The following TENM2 variants were observed in gnomAD, a reference collection of about 807,000 sequenced individuals.
TENM2 encodes teneurin-2.
Under a neutral mutation model 245.2 loss-of-function variants are expected in TENM2, and 52 were observed. The observed-to-expected ratio is 0.21, with a 90% CI of 0.17 to 0.27. TENM2 has a LOEUF of 0.27. TENM2 is among the 10% of genes least tolerant of loss of function. TENM2 has a pLI of 1.00. For synonymous variants in TENM2, 1,363 were observed against 1,438.9 expected, an observed-to-expected ratio of 0.95 and a Z score of 1.19; for missense variants, 3,046 against 3,666.8, an observed-to-expected ratio of 0.83 and a Z score of 4.37.
At chr5:167,698,856 G>T (rs188070985) in intron 2 of TENM2, among the ~76,000 whole-genome samples, 1 of 151,778 alleles carries the variant, frequency 6.6e-6, no homozygotes, top group Non-Finnish European at 1.5e-5. Context: ...GCTAATTTTT[G>T]TATTTTTAGT....
the TENM2 span, among the ~76,000 whole-genome samples, chr5:167,143,998 C>T: frequency 6.6e-6 from 1 of 152,016 alleles, no homozygotes; most frequent in African/African-American, 2.4e-5. Context: ...ATGGCATGAC[C>T]GCCCTTCTGT....
intron 27 of TENM2, among the ~76,000 whole-genome samples, chr5:168,257,968 G>A (rs1767829341): frequency 6.6e-6 from 1 of 152,164 alleles, no homozygotes; most frequent in South Asian, 2.1e-4. Context: ...AATGTGGGGT[G>A]CAGAGCGGAA....
chr5:167,453,354 C>A (rs747072118), intron 2 of TENM2, among the ~76,000 whole-genome samples: 12 of 152,088 alleles, frequency 7.9e-5, no homozygotes, highest in Non-Finnish European at 1.6e-4. Flanking sequence ...TCTGTCATCT[C>A]CTCTAATTGA....
At chr5:167,999,289 G>A (rs1430190837) in intron 5 of TENM2, among the ~76,000 whole-genome samples, 1 of 152,162 alleles carries the variant, frequency 6.6e-6, no homozygotes, top group East Asian at 1.9e-4. Flanking sequence ...CCAACTCCCT[G>A]GGCCCAGATG....
At chr5:167,525,065 G>T (rs1208102574) in intron 2 of TENM2, among the ~76,000 whole-genome samples, 1 of 152,014 alleles carries the variant, frequency 6.6e-6, no homozygotes, top group Non-Finnish European at 1.5e-5. Flanking sequence ...AGCTTGATGA[G>T]CAGTTTCTGT....
the TENM2 span, among the ~76,000 whole-genome samples, chr5:167,039,793 T>C: frequency 4.1e-4 from 63 of 152,296 alleles, 1 homozygote; most frequent in African/African-American, 1.5e-3. Context: ...GGATTTTTTG[T>C]ACCTTGAGTA....
At chr5:168,256,841 A>G (rs1238084965) in intron 27 of TENM2, among the ~76,000 whole-genome samples, 1 of 152,108 alleles carries the variant, frequency 6.6e-6, no homozygotes, top group Non-Finnish European at 1.5e-5. Context: ...TTCTCCTTAG[A>G]GGGTTCTTAT....
intron 21 of TENM2, 74 bp from the exon 24 acceptor site, chr5:168,216,694 A>G (rs1763226962): frequency 6.8e-7 from 1 of 1,464,660 alleles, no homozygotes; most frequent in Admixed American, 1.7e-5. Context: ...TCAGCAAGGC[A>G]TCTCATCTCC....
At chr5:168,030,689 A>G (rs1787066061) in intron 5 of TENM2, among the ~76,000 whole-genome samples, 1 of 152,222 alleles carries the variant, frequency 6.6e-6, no homozygotes, top group African/African-American at 2.4e-5. Context: ...GTTGAAGGTT[A>G]GGAAATGCTT....
At chr5:167,013,496 A>C in the TENM2 span, among the ~76,000 whole-genome samples, 1 of 152,152 alleles carries the variant, frequency 6.6e-6, no homozygotes, top group Non-Finnish European at 1.5e-5. Flanking sequence ...TGACCACATT[A>C]ATAAATTCAA....
chr5:167,235,575 C>G, the TENM2 span, among the ~76,000 whole-genome samples: 1 of 152,102 alleles, frequency 6.6e-6, no homozygotes, highest in Admixed American at 6.6e-5. Flanking sequence ...GTGATTTTAT[C>G]AGGTATTGAT....
intron 4 of TENM2, among the ~76,000 whole-genome samples, chr5:167,968,851 G>C (rs992632505): frequency 1.3e-5 from 2 of 152,096 alleles, no homozygotes; most frequent in Non-Finnish European, 2.9e-5. Context: ...CACCAATTCA[G>C]GAAAATGAAG....
chr5:168,132,368 G>A (rs1334959332), intron 12 of TENM2, among the ~76,000 whole-genome samples: 3 of 152,168 alleles, frequency 2.0e-5, no homozygotes, highest in African/African-American at 4.8e-5. Flanking sequence ...TCATTCTGTA[G>A]TTTAGATGGA....
At position 167,827,632 on chromosome 5, in the gene TENM2, G is replaced by A. The variant is rs190169235; in HGVS notation, c.503-48354G>A. 9.6e-4 allele frequency among the ~76,000 whole-genome samples: 118 copies of A among 123,122 alleles called. 3 individuals carry two copies. In the East Asian group the frequency reaches 0.033, roughly 34 times the overall value. 80.8% of individuals were successfully genotyped at this position (123,122 alleles called of 152,430 possible). A position where few individuals can be genotyped will look rare whatever the true frequency, so the allele number is the denominator to read the frequency against. On this transcript the variant is annotated intron_variant, in intron 2 of 28. Coordinates refer to ENST00000518659, the Ensembl canonical transcript of TENM2. ...TATGGCAAGGAGCTAGGTGGGCGGG[G>A]GGGGGGGAACAGTTTAATGAGCGTG...
At chr5:168,204,769 G>A in intron 19 of TENM2, 148 bp downstream of exon 21, 2 of 1,057,944 alleles carry the variant, frequency 1.9e-6, no homozygotes, top group Non-Finnish European at 2.7e-6. Flanking sequence ...AAATAAGGAG[G>A]TGGGAAAAAT....
chr5:167,165,416 CAG>C, the TENM2 span: 1 of 152,126 alleles, frequency 6.6e-6, no homozygotes, highest in Admixed American at 6.5e-5. Context: ...TTACTTGGCT[CAG>C]TGTGGAAATA....
intron 6 of TENM2, among the ~76,000 whole-genome samples, chr5:168,054,397 CA>C (rs1431718022): frequency 6.6e-6 from 1 of 152,236 alleles, no homozygotes; most frequent in Non-Finnish European, 1.5e-5. Flanking sequence ...ACAGAACCCT[CA>C]GATGGTTGTC....
intron 5 of TENM2, among the ~76,000 whole-genome samples, chr5:168,029,525 A>G (rs753779607): frequency 3.3e-5 from 5 of 152,180 alleles, no homozygotes; most frequent in Non-Finnish European, 7.3e-5. Context: ...TCCAGCCACA[A>G]TATATCCTTG....
chr5:167,310,669 T>C (rs1755979141), intron 1 of TENM2, among the ~76,000 whole-genome samples: 1 of 152,174 alleles, frequency 6.6e-6, no homozygotes, highest in Admixed American at 6.5e-5. Flanking sequence ...TCAAATTTCA[T>C]TTGATCAGGA....
Sources: allele counts gnomAD v4.1 joint callset (sites outside exome capture counted in the v4.1 genomes callset), GRCh38; gene constraint gnomAD v4.1.1; transcripts MANE v1.5; gene names NCBI Gene and HGNC (gene_info 2026-07-23, HGNC 2026-07-21).